The following EPC2 variants were observed in gnomAD, a reference collection of about 807,000 sequenced individuals.
The protein encoded by EPC2 is enhancer of polycomb homolog 2.
Under a neutral mutation model 92.1 loss-of-function variants are expected in EPC2, and 14 were observed. The observed-to-expected ratio is 0.15, with a 90% CI of 0.10 to 0.24. The LOEUF (loss-of-function observed/expected upper bound fraction) is 0.24, where lower values mean the gene tolerates loss of function less well. Ranked by LOEUF, EPC2 falls within the 10% of genes least tolerant of loss-of-function variation. The pLI, the probability that EPC2 is intolerant of heterozygous loss-of-function variation, is 1.00. For missense variants in EPC2, 755 were observed against 971.5 expected (o/e 0.78, Z 2.96); for synonymous variants, 340 against 334.7 (o/e 1.02, Z -0.17).
At chr2:148,674,641 G>C (rs921241) in intron 1 of EPC2, among the ~76,000 whole-genome samples, 146,745 of 152,280 alleles carry the variant, frequency 0.96, 70,938 homozygotes, top group Middle Eastern at 1. Context: ...GTTGGACATA[G>C]GTTTCACTCT....
chr2:148,731,844 G>T (rs940407554), intron 2 of EPC2, among the ~76,000 whole-genome samples: 1 of 152,162 alleles, frequency 6.6e-6, no homozygotes, highest in Non-Finnish European at 1.5e-5. Flanking sequence ...ATAATCTTTT[G>T]ATTTATCTGT....
At position 148,770,719 on chromosome 2, in the gene EPC2, T is replaced by A. The variant is rs1008690828; in HGVS notation, c.1231-73T>A. The A allele has an allele frequency of 6.2e-6, 9 of 1,441,306 alleles. No homozygotes were observed. In the African/African-American group the frequency reaches 1.1e-4, roughly 18 times the overall value. The allele number at this position is 1,441,306 out of a possible 1,614,324, so 89.3% of individuals were successfully genotyped here. ...TAATGTTGCAGTTACTTCATGTTTA[T>A]CATGATCTAACCTGTCTTCATTTCA... On this transcript the variant is annotated intron_variant, in intron 8 of 13. Transcript: ENST00000258484.
chr2:148,701,618 T>G (rs958987839), intron 2 of EPC2, among the ~76,000 whole-genome samples: 4 of 152,208 alleles, frequency 2.6e-5, no homozygotes, highest in Admixed American at 6.5e-5. Flanking sequence ...TATGTTGGAT[T>G]CAGCTTGCTA....
chr2:148,647,711 C>A (rs1318594306), intron 1 of EPC2, among the ~76,000 whole-genome samples: 1 of 145,410 alleles, frequency 6.9e-6, no homozygotes, highest in African/African-American at 2.6e-5. Flanking sequence ...CAGCTCACTG[C>A]AACCTTCGCC....
chr2:148,743,594 G>C, intron 2 of EPC2, 28 bp from the exon 3 acceptor site: 1 of 1,498,472 alleles, frequency 6.7e-7, no homozygotes, highest in Admixed American at 2.6e-5. Flanking sequence ...TTTCTCCTGA[G>C]TTTGAAGAAT....
intron 2 of EPC2, chr2:148,692,073 AT>A: frequency 6.3e-6 from 2 of 314,986 alleles, no homozygotes; most frequent in Non-Finnish European, 1.2e-5. Context: ...AACGTCATTT[AT>A]TTTTGCTCTT....
chr2:148,673,880 C>G (rs1681204640), intron 1 of EPC2, among the ~76,000 whole-genome samples: 1 of 152,230 alleles, frequency 6.6e-6, no homozygotes. Context: ...GCCACCACGC[C>G]TGGCTTTCTG....
chr2:148,731,425 G>A (rs1682625853), intron 2 of EPC2, among the ~76,000 whole-genome samples: 1 of 151,626 alleles, frequency 6.6e-6, no homozygotes, highest in Non-Finnish European at 1.5e-5. Context: ...TTTTTGAGGT[G>A]GAGTTTCACT....
chr2:148,653,950 GT>G (rs34810067), intron 1 of EPC2, among the ~76,000 whole-genome samples: 22,590 of 131,542 alleles, frequency 0.17, 1,859 homozygotes, highest in East Asian at 0.45. Flanking sequence ...TTTTTTTTTT[GT>G]TTTTTTTTTT....
intron 1 of EPC2, among the ~76,000 whole-genome samples, chr2:148,666,897 G>A (rs1254439360): frequency 6.6e-6 from 1 of 151,782 alleles, no homozygotes; most frequent in Non-Finnish European, 1.5e-5. Context: ...AGGCTCAGGA[G>A]GTATTTCCTT....
intron 2 of EPC2, among the ~76,000 whole-genome samples, chr2:148,740,798 T>C (rs1350367533): frequency 2.0e-5 from 3 of 152,212 alleles, no homozygotes; most frequent in Admixed American, 1.3e-4. Context: ...AATCTTTCTC[T>C]AAAATGTCTT....
intron 1 of EPC2, among the ~76,000 whole-genome samples, chr2:148,647,533 C>T (rs912136545): frequency 1.3e-5 from 2 of 151,574 alleles, no homozygotes; most frequent in Non-Finnish European, 2.9e-5. Context: ...GTCTCAGACT[C>T]CTGACCTCAG....
chr2:148,694,744 G>A (rs1392390808), intron 2 of EPC2, among the ~76,000 whole-genome samples: 2 of 152,030 alleles, frequency 1.3e-5, no homozygotes, highest in African/African-American at 2.4e-5. Context: ...TGTAGAACAC[G>A]AAGGAACTTA....
intron 1 of EPC2, among the ~76,000 whole-genome samples, chr2:148,672,715 A>G (rs1681180157): frequency 6.6e-6 from 1 of 152,164 alleles, no homozygotes; most frequent in Non-Finnish European, 1.5e-5. Flanking sequence ...TATACCAGAA[A>G]TTAAAATAAT....
chr2:148,688,284 A>G (rs1681569823), intron 1 of EPC2, among the ~76,000 whole-genome samples: 2 of 152,210 alleles, frequency 1.3e-5, no homozygotes, highest in African/African-American at 4.8e-5. Flanking sequence ...GCTGGAAACC[A>G]TCATTCTCAG....
In EPC2 at chr2:148,786,458, G is replaced by C. The variant is rs1027148497; in HGVS notation, c.*81G>C. On this transcript the variant is annotated 3_prime_UTR_variant, in exon 14 of 14. Coordinates refer to ENST00000258484, the MANE Select transcript of EPC2 (RefSeq NM_015630.4). ...CTGAATGCAAAAGGCAACACTCTGT[G>C]GATCACAGAGTGTAACAATGGACCT... is the stretch of plus-strand genomic sequence containing the variant. 4 of 1,095,588 alleles carry C rather than the reference G, an allele frequency of 3.7e-6. No homozygotes were observed. The highest frequency in any genetic ancestry group is 4.1e-6 in the Non-Finnish European group (3 of 732,492). The allele number at this position is 1,095,588 out of a possible 1,614,324, so 67.9% of individuals were successfully genotyped here. A position where few individuals can be genotyped will look rare whatever the true frequency, so the allele number is the denominator to read the frequency against.
chr2:148,720,270 A>C (rs1471393680), intron 2 of EPC2, among the ~76,000 whole-genome samples: 1 of 152,212 alleles, frequency 6.6e-6, no homozygotes, highest in African/African-American at 2.4e-5. Flanking sequence ...CGTCTGGACC[A>C]TTTGGACTCT....
rs548797327 is a variant in EPC2 at position 148,644,839 on chromosome 2, G to A, written c.-179G>A. 17 of 551,602 alleles carry A rather than the reference G, an allele frequency of 3.1e-5. 1 individual carries two copies. The highest frequency in any genetic ancestry group is 7.2e-5 in the Admixed American group (2 of 27,886). The allele number at this position is 551,602 out of a possible 1,614,324, so 34.2% of individuals were successfully genotyped here. A position where few individuals can be genotyped will look rare whatever the true frequency, so the allele number is the denominator to read the frequency against. On this transcript the variant is annotated 5_prime_UTR_variant, in exon 1 of 14. Transcript: ENST00000258484. Reference sequence around the variant, plus strand: ...GTGTGTGGAGGCGGCCGCGGGCGCGGGGGGCTGTTTTCGGGCGGGGTGGGC... The same window carrying A: ...GTGTGTGGAGGCGGCCGCGGGCGCGAGGGGCTGTTTTCGGGCGGGGTGGGC...
intron 2 of EPC2, among the ~76,000 whole-genome samples, chr2:148,719,084 T>A (rs1445685162): frequency 6.6e-6 from 1 of 152,114 alleles, no homozygotes; most frequent in African/African-American, 2.4e-5. Flanking sequence ...TTTTTTTAAC[T>A]CCATCAGGTC....
Sources: allele counts gnomAD v4.1 joint callset (sites outside exome capture counted in the v4.1 genomes callset), GRCh38; gene constraint gnomAD v4.1.1; transcripts MANE v1.5; gene names NCBI Gene and HGNC (gene_info 2026-07-23, HGNC 2026-07-21).